Variants in MAN1A2 observed in about 807,000 individuals in gnomAD.
The protein encoded by MAN1A2 is mannosidase alpha class 1A member 2.
In MAN1A2, 26 loss-of-function variants were observed where a neutral mutation model predicts 75.7. The ratio of observed to expected loss-of-function variants is 0.34; its 90% CI spans 0.25 to 0.48. The LOEUF (loss-of-function observed/expected upper bound fraction) is 0.48, where lower values mean the gene tolerates loss of function less well. MAN1A2 is among the 20% of genes least tolerant of loss of function. MAN1A2 has a pLI of 0.99. For synonymous variants in MAN1A2, 247 were observed against 264.6 expected, an observed-to-expected ratio of 0.93 and a Z score of 0.65; for missense variants, 562 against 775.5, an observed-to-expected ratio of 0.72 and a Z score of 3.27.
chr1:117,378,936 G>A (rs1211827667), intron 1 of MAN1A2, among the ~76,000 whole-genome samples: 3 of 151,932 alleles, frequency 2.0e-5, no homozygotes, highest in Non-Finnish European at 2.9e-5. Context: ...TGAATTCTGT[G>A]TTAATATGCA....
At chr1:117,382,400 G>T (rs1570697264) in intron 1 of MAN1A2, among the ~76,000 whole-genome samples, 1 of 152,266 alleles carries the variant, frequency 6.6e-6, no homozygotes, top group Non-Finnish European at 1.5e-5. Context: ...TTCTACATAT[G>T]GCTAGCCAGT....
chr1:117,398,542 C>A (rs187770379), intron 1 of MAN1A2, among the ~76,000 whole-genome samples: 1 of 151,890 alleles, frequency 6.6e-6, no homozygotes, highest in Non-Finnish European at 1.5e-5. Flanking sequence ...GGCGTGGTGG[C>A]GTGTGCCTGT....
At chr1:117,419,313 G>A (rs1242733933) in intron 4 of MAN1A2, among the ~76,000 whole-genome samples, 1 of 152,064 alleles carries the variant, frequency 6.6e-6, no homozygotes, top group Non-Finnish European at 1.5e-5. Flanking sequence ...GCAGGGACTG[G>A]TTGGAAGGTT....
chr1:117,506,524 T>C (rs1484403072), intron 12 of MAN1A2, among the ~76,000 whole-genome samples: 1 of 151,618 alleles, frequency 6.6e-6, no homozygotes, highest in Non-Finnish European at 1.5e-5. Flanking sequence ...TAACAAAAAC[T>C]ATGTAATGAG....
At chr1:117,471,699 C>G (rs17037323) in intron 8 of MAN1A2, among the ~76,000 whole-genome samples, 18,218 of 151,412 alleles carry the variant, frequency 0.12, 1,146 homozygotes, top group Non-Finnish European at 0.14. Flanking sequence ...AGATAATTGA[C>G]AAGAAAATGT....
intron 5 of MAN1A2, among the ~76,000 whole-genome samples, chr1:117,441,644 A>G (rs760985641): frequency 6.6e-6 from 1 of 152,168 alleles, no homozygotes. Flanking sequence ...TACTATCTAT[A>G]TGATTTTAAA....
intron 5 of MAN1A2, among the ~76,000 whole-genome samples, chr1:117,424,678 G>A (rs1392531741): frequency 1.3e-5 from 2 of 152,142 alleles, no homozygotes; most frequent in African/African-American, 4.8e-5. Context: ...TGAGTCTGCA[G>A]TCTGCTGCAT....
At chr1:117,522,363 T>C (rs1231075377) in intron 12 of MAN1A2, among the ~76,000 whole-genome samples, 1 of 151,852 alleles carries the variant, frequency 6.6e-6, no homozygotes, top group Non-Finnish European at 1.5e-5. Flanking sequence ...TGAACTAAAA[T>C]AGACCACCTC....
At chr1:117,519,504 T>C (rs1651811314) in intron 12 of MAN1A2, among the ~76,000 whole-genome samples, 1 of 151,994 alleles carries the variant, frequency 6.6e-6, no homozygotes, top group East Asian at 1.9e-4. Flanking sequence ...ATATTACAGC[T>C]GACACCACTG....
chr1:117,425,412 A>T (rs1648332413), intron 5 of MAN1A2, among the ~76,000 whole-genome samples: 1 of 152,234 alleles, frequency 6.6e-6, no homozygotes. Context: ...ACTATAGATC[A>T]GTATCTCATG....
chr1:117,402,109 C>T, intron 1 of MAN1A2, 77 bp from the exon 2 acceptor site: 3 of 1,423,986 alleles, frequency 2.1e-6, no homozygotes, highest in Non-Finnish European at 2.8e-6. Context: ...AATGGAGAAA[C>T]CTTTATGTTT....
At chr1:117,375,297 A>G (rs1653099239) in intron 1 of MAN1A2, among the ~76,000 whole-genome samples, 1 of 152,192 alleles carries the variant, frequency 6.6e-6, no homozygotes. Context: ...TTAATTTTTT[A>G]ACAAAACACA....
intron 8 of MAN1A2, among the ~76,000 whole-genome samples, chr1:117,476,922 G>A (rs1182869241): frequency 6.6e-6 from 1 of 152,034 alleles, no homozygotes; most frequent in Non-Finnish European, 1.5e-5. Context: ...GTTGGGGATA[G>A]CACTGAATCT....
chr1:117,457,167 A>T (rs988602999), intron 6 of MAN1A2, among the ~76,000 whole-genome samples: 1 of 152,102 alleles, frequency 6.6e-6, no homozygotes, highest in African/African-American at 2.4e-5. Flanking sequence ...TAGACCACTT[A>T]GGGTGATTTA....
intron 1 of MAN1A2, among the ~76,000 whole-genome samples, chr1:117,390,785 T>A (rs980909851): frequency 6.6e-6 from 1 of 152,056 alleles, no homozygotes; most frequent in African/African-American, 2.4e-5. Flanking sequence ...TTTTTTTTCT[T>A]CATATTGGCA....
intron 11 of MAN1A2, among the ~76,000 whole-genome samples, 189 bp downstream of exon 11, chr1:117,499,743 TATATATTAAAATATATTAAAA>T (rs1651141336): frequency 6.7e-6 from 1 of 148,188 alleles, no homozygotes. Context: ...ATATATTAAA[TATATATTAAAATATATTAAAA>T]ATATATAAAT....
chr1:117,427,989 A>G (rs917718364), intron 5 of MAN1A2, among the ~76,000 whole-genome samples: 1 of 152,236 alleles, frequency 6.6e-6, no homozygotes, highest in African/African-American at 2.4e-5. Flanking sequence ...TATTACTCTT[A>G]ATAGTCTGTG....
intron 5 of MAN1A2, among the ~76,000 whole-genome samples, chr1:117,435,850 G>A (rs571773479): frequency 1.0e-3 from 157 of 152,286 alleles, no homozygotes; most frequent in African/African-American, 3.8e-3. Context: ...CTGAGGCTGG[G>A]AGTTTGAGAC....
At chr1:117,414,907 A>G (rs1647940414) in intron 4 of MAN1A2, 76 bp downstream of exon 4, 1 of 864,406 alleles carries the variant, frequency 1.2e-6, no homozygotes, top group Non-Finnish European at 1.9e-6. Context: ...TGGTCTGAAC[A>G]TTTGTGCCTT....
Sources: gnomAD v4.1 joint callset for allele counts (sites outside exome capture counted in the v4.1 genomes callset) on GRCh38, gnomAD v4.1.1 for gene constraint, MANE v1.5 for transcripts, NCBI Gene and HGNC (gene_info 2026-07-23, HGNC 2026-07-21) for gene names.